Variants in BMP5 observed in about 807,000 individuals in gnomAD.
BMP5 encodes the protein bone morphogenetic protein 5.
A neutral mutation model predicts 46.6 loss-of-function variants in BMP5; 23 were observed. That is an observed-to-expected ratio of 0.49 (90% CI 0.35 to 0.70). The LOEUF is 0.70. Among genes scored for constraint, BMP5 ranks in the 30% least tolerant of loss-of-function variants. BMP5 has a pLI of 0.00. For synonymous variants in BMP5, 204 were observed against 191.9 expected (o/e 1.06, Z -0.52); for missense variants, 545 against 565.6 (o/e 0.96, Z 0.37).
intron 1 of BMP5, among the ~76,000 whole-genome samples, chr6:55,832,180 T>C (rs902503452): frequency 5.3e-5 from 8 of 152,206 alleles, no homozygotes; most frequent in Non-Finnish European, 1.0e-4. Context: ...TCTTGCTTTC[T>C]CCTCAAAGCC....
intron 1 of BMP5, among the ~76,000 whole-genome samples, chr6:55,853,172 TAAAATAAAATAAAATAAA>T (rs1777292497): frequency 1.4e-5 from 1 of 70,854 alleles, no homozygotes; most frequent in Non-Finnish European, 3.3e-5. Flanking sequence ...TAAAATAAAA[TAAAATAAAATAAAATAAA>T]ATAAAATAAA....
chr6:55,767,974 T>A (rs1389313330), intron 4 of BMP5, among the ~76,000 whole-genome samples: 1 of 151,880 alleles, frequency 6.6e-6, no homozygotes, highest in African/African-American at 2.4e-5. Context: ...TCAAAAGAGA[T>A]GAGAGAGAGG....
intron 1 of BMP5, among the ~76,000 whole-genome samples, chr6:55,868,373 C>T (rs1015694337): frequency 1.3e-5 from 2 of 152,112 alleles, no homozygotes; most frequent in African/African-American, 2.4e-5. Context: ...AACAGCACAA[C>T]CTCCAGTTTA....
intron 4 of BMP5, among the ~76,000 whole-genome samples, chr6:55,768,194 T>G (rs1774963798): frequency 6.6e-6 from 1 of 151,970 alleles, no homozygotes; most frequent in Non-Finnish European, 1.5e-5. Flanking sequence ...AGGCATAAAT[T>G]TACATTGTAT....
intron 2 of BMP5, 37 bp downstream of exon 2, chr6:55,819,618 A>G: frequency 1.3e-6 from 2 of 1,529,408 alleles, no homozygotes; most frequent in South Asian, 2.3e-5. Flanking sequence ...TTTTACATAT[A>G]TTTGCCAGGA....
chr6:55,828,212 G>T (rs1776576812), intron 1 of BMP5, among the ~76,000 whole-genome samples: 1 of 151,802 alleles, frequency 6.6e-6, no homozygotes, highest in African/African-American at 2.4e-5. Flanking sequence ...ACAAAAACAG[G>T]TCAAAGGTTT....
intron 2 of BMP5, among the ~76,000 whole-genome samples, chr6:55,804,057 T>C (rs1458562213): frequency 6.6e-6 from 1 of 152,200 alleles, no homozygotes; most frequent in Non-Finnish European, 1.5e-5. Flanking sequence ...TGACTCACAA[T>C]AATTTTATTT....
chr6:55,766,357 C>T (rs1267118188), intron 4 of BMP5, among the ~76,000 whole-genome samples: 1 of 151,874 alleles, frequency 6.6e-6, no homozygotes, highest in Non-Finnish European at 1.5e-5. Context: ...TTCTTTGTTT[C>T]CTGTGGCATT....
At chr6:55,871,417 A>G (rs1777785442) in intron 1 of BMP5, among the ~76,000 whole-genome samples, 1 of 151,902 alleles carries the variant, frequency 6.6e-6, no homozygotes, top group Non-Finnish European at 1.5e-5. Context: ...CTCTTCACAC[A>G]GTTAATAATT....
At chr6:55,805,350 G>T (rs1775962805) in intron 2 of BMP5, among the ~76,000 whole-genome samples, 1 of 152,056 alleles carries the variant, frequency 6.6e-6, no homozygotes, top group South Asian at 2.1e-4. Flanking sequence ...CGTCATCAAA[G>T]TTTTAAGCCC....
chr6:55,815,782 G>A (rs1361107105), intron 2 of BMP5, among the ~76,000 whole-genome samples: 3 of 151,938 alleles, frequency 2.0e-5, no homozygotes, highest in East Asian at 3.9e-4. Context: ...TTCCAAAATG[G>A]ACTGTTAATA....
Position 55,874,737 on chromosome 6 carries a change from T to C in BMP5, c.129A>G (p.Leu43=), listed in dbSNP as rs1777868092. 1 of 1,613,480 alleles carries C rather than the reference T, an allele frequency of 6.2e-7. No individual in the cohort carries two copies. Among genetic ancestry groups the C allele is most frequent in the Non-Finnish European group, 8.5e-7 (1 of 1,179,696 alleles). ...HVHSSFIYRR[L]RNHERREIQR... is the part of the protein sequence containing the mutation. ...GTATTTCCCGTCTTTCGTGGTTCCG[T>C]AGTCTTCTATAAATAAAACTGGAGT... The change falls in exon 1 of 7, where the codon CTA becomes CTG. Residue 43 remains leucine (L), a synonymous_variant. Transcript: ENST00000370830.
chr6:55,821,281 A>G (rs7766885), intron 1 of BMP5, among the ~76,000 whole-genome samples: 2,839 of 152,268 alleles, frequency 0.019, 85 homozygotes, highest in African/African-American at 0.064. Flanking sequence ...TTCCCCAGAA[A>G]AGTGGAAGGT....
chr6:55,787,357 C>T (rs1284567155), intron 3 of BMP5, among the ~76,000 whole-genome samples: 4 of 151,548 alleles, frequency 2.6e-5, no homozygotes, highest in African/African-American at 9.7e-5. Flanking sequence ...TTTTATAAAC[C>T]TAAAAGAATA....
At chr6:55,833,052 G>A (rs1741264765) in intron 1 of BMP5, among the ~76,000 whole-genome samples, 1 of 152,120 alleles carries the variant, frequency 6.6e-6, no homozygotes, top group Admixed American at 6.6e-5. Context: ...GGAGTTCAAG[G>A]TTAAAGTGAG....
intron 1 of BMP5, among the ~76,000 whole-genome samples, chr6:55,849,181 G>A (rs1405314506): frequency 6.6e-6 from 1 of 151,888 alleles, no homozygotes; most frequent in East Asian, 1.9e-4. Context: ...TGTGGTCTGG[G>A]GCTATAGGAG....
At position 55,857,902 on chromosome 6, in the gene BMP5, T is replaced by C. The variant is rs528612419; in HGVS notation, c.490+16474A>G. Among the ~76,000 whole-genome samples the C allele has an allele frequency of 4.6e-5, 7 of 152,096 alleles. No individual in the cohort carries two copies. In the East Asian group the frequency reaches 1.4e-3, roughly 29 times the overall value. ...ACAGGCATGCGCCACCAGGCCTGGC[T>C]AATTTTTGTATTTTCAGTAGAGACA... On this transcript the variant is annotated intron_variant, in intron 1 of 6. Coordinates refer to ENST00000370830, the MANE Select transcript of BMP5 (RefSeq NM_021073.4).
At chr6:55,800,035 C>T (rs1775805626) in intron 2 of BMP5, among the ~76,000 whole-genome samples, 1 of 152,090 alleles carries the variant, frequency 6.6e-6, no homozygotes, top group South Asian at 2.1e-4. Context: ...AAAACAACAA[C>T]AAACACACAT....
At chr6:55,825,834 GAC>G (rs1359218206) in intron 1 of BMP5, among the ~76,000 whole-genome samples, 2 of 151,852 alleles carry the variant, frequency 1.3e-5, no homozygotes, top group South Asian at 2.1e-4. Flanking sequence ...TAACTTGGAA[GAC>G]ACAAATAGCA....
Sources: gnomAD v4.1 joint callset for allele counts (sites outside exome capture counted in the v4.1 genomes callset) on GRCh38, gnomAD v4.1.1 for gene constraint, MANE v1.5 for transcripts, NCBI Gene and HGNC (gene_info 2026-07-23, HGNC 2026-07-21) for gene names.